The following SIK3 variants were observed in gnomAD, a reference collection of about 807,000 sequenced individuals.
SIK3 encodes serine/threonine-protein kinase SIK3.
In SIK3, 28 loss-of-function variants were observed where a neutral mutation model predicts 144.2. That is an observed-to-expected ratio of 0.19 (90% CI 0.14 to 0.27). The LOEUF (loss-of-function observed/expected upper bound fraction) is 0.27, where lower values mean the gene tolerates loss of function less well. Among genes scored for constraint, SIK3 ranks in the 10% least tolerant of loss-of-function variants. The pLI is 1.00. For missense variants in SIK3, 1,319 were observed against 1,776.0 expected (o/e 0.74, Z 4.62); for synonymous variants, 686 against 676.3 (o/e 1.01, Z -0.22).
intron 16 of SIK3, among the ~76,000 whole-genome samples, chr11:116,862,936 T>A (rs1943430090): frequency 6.6e-6 from 1 of 152,060 alleles, no homozygotes; most frequent in African/African-American, 2.4e-5. Flanking sequence ...TTAGCTGGCA[T>A]GGTGGTGCAC....
At chr11:116,876,865 G>T in intron 7 of SIK3, 59 bp downstream of exon 7, 1 of 1,382,862 alleles carries the variant, frequency 7.2e-7, no homozygotes, top group Non-Finnish European at 1.0e-6. Flanking sequence ...ACAATCACAT[G>T]CAAAGGAGGC....
chr11:117,037,425 G>A (rs1398341623), intron 1 of SIK3, among the ~76,000 whole-genome samples: 1 of 152,072 alleles, frequency 6.6e-6, no homozygotes, highest in African/African-American at 2.4e-5. Flanking sequence ...ATATCAGAAA[G>A]CAAAACAAGA....
intron 4 of SIK3, among the ~76,000 whole-genome samples, chr11:116,919,059 T>TTGGTAGCTGTTAAGGATACTATCATCCA (rs1946819914): frequency 6.6e-6 from 1 of 151,918 alleles, no homozygotes; most frequent in South Asian, 2.1e-4. Context: ...ACCTGGGAGG[T>TTGGTAGCTGTTAAGGATACTATCATCCA]GCAATGAATG....
chr11:117,058,632 G>A (rs1276334648), intron 1 of SIK3, among the ~76,000 whole-genome samples: 1 of 152,002 alleles, frequency 6.6e-6, no homozygotes, highest in African/African-American at 2.4e-5. Flanking sequence ...CTGAAGTGTA[G>A]AATCAGCTGC....
intron 1 of SIK3, among the ~76,000 whole-genome samples, chr11:117,040,886 A>G (rs1451075528): frequency 6.6e-6 from 1 of 150,622 alleles, no homozygotes; most frequent in Non-Finnish European, 1.5e-5. Context: ...ACTTATATAT[A>G]GTGAAATGGT....
At position 116,927,221 on chromosome 11, in the gene SIK3, G is replaced by C. The variant is rs1378903779; in HGVS notation, c.614C>G (p.Ala205Gly). The change falls in exon 4 of 25, where the codon GCA (alanine) becomes GGA (glycine). Residue 205 changes from alanine (A) to glycine (G), a missense_variant and splice_region_variant. Coordinates refer to ENST00000445177, the MANE Select transcript of SIK3 (RefSeq NM_001366686.3). ...LLDANLNIKI[A>G]DFGFSNLFTP... ...GACATCCTCAGTACAGTTCTCACCTGCTATTTTGATATTCAGATTGGCATC... is the reference window on the plus strand; with the variant it reads ...GACATCCTCAGTACAGTTCTCACCTCCTATTTTGATATTCAGATTGGCATC... 1 of 1,612,964 alleles carries C rather than the reference G, an allele frequency of 6.2e-7. No individual in the cohort carries two copies. Among genetic ancestry groups the C allele is most frequent in the Non-Finnish European group, 8.5e-7 (1 of 1,179,202 alleles).
At chr11:116,912,286 T>C (rs1946389844) in intron 4 of SIK3, among the ~76,000 whole-genome samples, 1 of 152,162 alleles carries the variant, frequency 6.6e-6, no homozygotes, top group Non-Finnish European at 1.5e-5. Context: ...CCTGGGGATA[T>C]ATAAGGTAGT....
chr11:116,934,532 CCT>C (rs1947797456), intron 3 of SIK3, among the ~76,000 whole-genome samples: 1 of 152,146 alleles, frequency 6.6e-6, no homozygotes, highest in Non-Finnish European at 1.5e-5. Context: ...AAACTTTTTC[CCT>C]GAGAGTTTTG....
At chr11:116,897,087 G>A in intron 5 of SIK3, 106 bp downstream of exon 5, 1 of 1,189,262 alleles carries the variant, frequency 8.4e-7, no homozygotes, top group Non-Finnish European at 1.2e-6. Context: ...CAGGTGACCA[G>A]GATCTCAATT....
At chr11:116,895,276 C>A (rs1002232918) in intron 6 of SIK3, among the ~76,000 whole-genome samples, 1 of 152,160 alleles carries the variant, frequency 6.6e-6, no homozygotes, top group African/African-American at 2.4e-5. Flanking sequence ...GTGCTCTTCC[C>A]CGGACTGCAC....
chr11:116,911,472 A>G (rs547095561), intron 4 of SIK3, among the ~76,000 whole-genome samples: 14 of 152,206 alleles, frequency 9.2e-5, no homozygotes, highest in South Asian at 6.2e-4. Flanking sequence ...GTGGCACTGA[A>G]CTCCAGCCTG....
At chr11:117,079,305 T>TG (rs1256038756) in intron 1 of SIK3, among the ~76,000 whole-genome samples, 2 of 152,224 alleles carry the variant, frequency 1.3e-5, no homozygotes, top group African/African-American at 4.8e-5. Context: ...AAGTATCTAT[T>TG]GGAGTTTTGT....
At chr11:117,012,409 C>T (rs1211320119) in intron 1 of SIK3, among the ~76,000 whole-genome samples, 1 of 152,192 alleles carries the variant, frequency 6.6e-6, no homozygotes, top group Non-Finnish European at 1.5e-5. Flanking sequence ...TTCATTACAC[C>T]ATCATACTTG....
chr11:116,933,721 G>C (rs1947752080), intron 3 of SIK3, among the ~76,000 whole-genome samples: 1 of 151,934 alleles, frequency 6.6e-6, no homozygotes, highest in Admixed American at 6.6e-5. Flanking sequence ...GCTCATTGTA[G>C]CCTCAAACTC....
At chr11:117,074,290 A>G (rs918252865) in intron 1 of SIK3, among the ~76,000 whole-genome samples, 1 of 152,138 alleles carries the variant, frequency 6.6e-6, no homozygotes, top group Non-Finnish European at 1.5e-5. Flanking sequence ...CCCTATCTCA[A>G]GCTTGCCCCA....
chr11:116,958,618 T>C (rs1949232604), intron 1 of SIK3, among the ~76,000 whole-genome samples: 1 of 150,156 alleles, frequency 6.7e-6, no homozygotes, highest in African/African-American at 2.5e-5. Context: ...GACCTTCACC[T>C]ACAGGAGAAG....
chr11:116,867,780 T>G lies in SIK3; in HGVS notation c.1952+166A>C. 1 of 607,850 alleles carries G rather than the reference T, an allele frequency of 1.6e-6. No individual in the cohort carries two copies. The highest frequency in any genetic ancestry group is 2.7e-6 in the Non-Finnish European group (1 of 375,966). 37.7% of individuals were successfully genotyped at this position (607,850 alleles called of 1,614,324 possible). ...GCTCCAGGGCGCAGTAAAAAACCTT[T>G]GCCCTGTGCATTGCTTACTGCAAGG... On this transcript the variant is annotated intron_variant, in intron 15 of 24. Coordinates refer to ENST00000445177, the MANE Select transcript of SIK3 (RefSeq NM_001366686.3). The surrounding 1 kb of genome is among the most constrained non-coding windows in gnomAD (Gnocchi z 4.1).
At chr11:116,986,586 T>C (rs897094198) in intron 1 of SIK3, among the ~76,000 whole-genome samples, 2 of 152,198 alleles carry the variant, frequency 1.3e-5, no homozygotes, top group African/African-American at 4.8e-5. Context: ...TATCTATACA[T>C]TGTCATGCAC....
At position 116,962,430 on chromosome 11, in the gene SIK3, C is replaced by T. The variant is rs116637399; in HGVS notation, c.274-5366G>A. 2.0e-3 allele frequency among the ~76,000 whole-genome samples: 312 copies of T among 152,230 alleles called. 3 individuals are homozygous for T. The highest frequency in any genetic ancestry group is 7.0e-3 in the African/African-American group (291 of 41,540). ...ATGCTTTTTAGAAGGAAAGAGAAAA[C>T]ATTACAGTTTGAAGAAAAGCTTATT... On this transcript the variant is annotated intron_variant, in intron 1 of 24. Coordinates refer to ENST00000445177, the MANE Select transcript of SIK3 (RefSeq NM_001366686.3).
Sources: gnomAD v4.1 joint callset for allele counts (sites outside exome capture counted in the v4.1 genomes callset) on GRCh38, gnomAD v4.1.1 for gene constraint, Gnocchi (gnomAD v3.1) non-coding constraint, MANE v1.5 for transcripts, NCBI Gene and HGNC (gene_info 2026-07-23, HGNC 2026-07-21) for gene names.